The following SCLY variants were observed in gnomAD, a reference collection of about 807,000 sequenced individuals.
SCLY encodes selenocysteine lyase.
A neutral mutation model predicts 50.1 loss-of-function variants in SCLY; 38 were observed. The observed-to-expected ratio is 0.76, with a 90% confidence interval of 0.59 to 0.99. The LOEUF (loss-of-function observed/expected upper bound fraction) is 0.99. Among genes scored for constraint, SCLY ranks in the 50% least tolerant of loss-of-function variants. The pLI, the probability that SCLY is intolerant of heterozygous loss-of-function variation, is 0.00. For missense variants in SCLY, 600 were observed against 620.0 expected (o/e 0.97, Z 0.34); for synonymous variants, 243 against 249.4 (o/e 0.97, Z 0.24).
intron 8 of SCLY, chr2:238,091,515 T>A (rs2065361859): frequency 2.0e-6 from 1 of 495,834 alleles, no homozygotes; most frequent in Admixed American, 3.3e-5. Flanking sequence ...GTGATACTGT[T>A]ACAGCAGAGG....
intron 8 of SCLY, chr2:238,091,557 AAAGG>A: frequency 3.0e-6 from 1 of 332,200 alleles, no homozygotes; most frequent in South Asian, 3.7e-5. Context: ...CACCATTCCC[AAAGG>A]CGTCGGCAGC....
intron 4 of SCLY, among the ~76,000 whole-genome samples, chr2:238,075,333 CTG>C (rs1443529332): frequency 2.0e-5 from 3 of 152,104 alleles, no homozygotes; most frequent in African/African-American, 4.8e-5. Context: ...AGGTATTAGT[CTG>C]TAGTTTTCTT....
chr2:238,091,529 AGTGTC>A, intron 8 of SCLY: 2 of 415,066 alleles, frequency 4.8e-6, no homozygotes. Flanking sequence ...GCAGAGGTGA[AGTGTC>A]AAGCTGCAGG....
At position 238,069,199 on chromosome 2, in the gene SCLY, G is replaced by T; in HGVS notation, c.304-98G>T. 8.9e-7 allele frequency: 1 copy of T among 1,121,870 alleles called. No individual in the cohort carries two copies. Among genetic ancestry groups the T allele is most frequent in the Non-Finnish European group, 1.3e-6 (1 of 797,254 alleles). The allele number at this position is 1,121,870 out of a possible 1,614,324, so 69.5% of individuals were successfully genotyped here. On this transcript the variant is annotated intron_variant, in intron 3 of 11. Transcript: ENST00000254663. The surrounding 1 kb of genome is among the most constrained non-coding windows in gnomAD (Gnocchi z 5.0). ...AGTTGAATTTCTTTGAAGCTTTTTT[G>T]ATGTTAGCCACAAAAGAAATTAAGT...
chr2:238,082,016 C>T, intron 5 of SCLY, 29 bp from the exon 6 acceptor site: 1 of 1,603,282 alleles, frequency 6.2e-7, no homozygotes, highest in Non-Finnish European at 8.5e-7. Flanking sequence ...ATCGGAGCAA[C>T]ATACTCAACT....
At chr2:238,094,000 CAG>C in intron 9 of SCLY, 56 bp downstream of exon 9, 2 of 1,492,106 alleles carry the variant, frequency 1.3e-6, no homozygotes, top group South Asian at 1.2e-5. Flanking sequence ...GGCAGGTGCC[CAG>C]AGAGGAGGGG....
At chr2:238,096,732 C>A in intron 10 of SCLY, 69 bp from the exon 11 acceptor site, 1 of 1,516,742 alleles carries the variant, frequency 6.6e-7, no homozygotes, top group African/African-American at 1.4e-5. Context: ...CCCAGCAGGA[C>A]CCCGGGAAGG....
At chr2:238,091,549 C>CT in intron 8 of SCLY, 10 of 339,048 alleles carry the variant, frequency 2.9e-5, no homozygotes, top group South Asian at 1.2e-4. Context: ...TGCAGGTTCA[C>CT]CATTCCCAAA....
intron 9 of SCLY, 147 bp downstream of exon 9, chr2:238,094,091 G>T: frequency 1.3e-6 from 1 of 750,026 alleles, no homozygotes; most frequent in East Asian, 2.7e-5. Context: ...AGGGAAGAAA[G>T]AACAGTGGCA....
chr2:238,061,365 A>G (rs1274066490), intron 1 of SCLY: 1 of 692,774 alleles, frequency 1.4e-6, no homozygotes, highest in Non-Finnish European at 2.7e-6. Flanking sequence ...TTTGGGGCCG[A>G]AACCCGAGTG....
intron 10 of SCLY, among the ~76,000 whole-genome samples, chr2:238,095,342 C>T (rs751491104): frequency 2.3e-4 from 35 of 152,324 alleles, no homozygotes; most frequent in African/African-American, 8.2e-4. Flanking sequence ...CCCTGACTCC[C>T]TGAGAGTGGA....
At chr2:238,079,574 C>T (rs1325093357) in intron 4 of SCLY, 1 of 152,128 alleles carries the variant, frequency 6.6e-6, no homozygotes, top group Non-Finnish European at 1.5e-5. Flanking sequence ...TGTTATAGCC[C>T]TAACAAAATA....
intron 10 of SCLY, chr2:238,095,908 CTTT>C (rs35898194): frequency 0.011 from 1,546 of 140,106 alleles, 24 homozygotes; most frequent in African/African-American, 0.039. Flanking sequence ...ACCTGGATAA[CTTT>C]TTTTTTTTTT....
rs932626352 is a variant in SCLY, at chr2:238,098,203, C to G, written c.1186C>G (p.Pro396Ala). 6 of 1,609,640 alleles carry G rather than the reference C, an allele frequency of 3.7e-6. No individual in the cohort carries two copies. The highest frequency in any genetic ancestry group is 5.1e-6 in the Non-Finnish European group (6 of 1,178,886). The change falls in exon 12 of 12, where the codon CCG (proline) becomes GCG (alanine). Residue 396 changes from proline (P) to alanine (A), a missense_variant and splice_region_variant. Physicochemically the swap from Pro to Ala is conservative, Grantham distance 27. Transcript: ENST00000254663. ...GCAGCTCGGTCTCGCCCTCCCCAGGCCGTCCCCAGTGCTGCTGAGCTACGG... is the reference window on the plus strand; with the variant it reads ...GCAGCTCGGTCTCGCCCTCCCCAGGGCGTCCCCAGTGCTGCTGAGCTACGG... ...AACHSDHGDQPSPVLLSYGVP... is the reference protein window; with the variant it reads ...AACHSDHGDQASPVLLSYGVP...
Position 238,069,697 on chromosome 2 carries a change from G to A in SCLY, c.484+220G>A. 1 of 457,160 alleles carries A rather than the reference G, an allele frequency of 2.2e-6. No homozygotes were observed. The highest frequency in any genetic ancestry group is 5.0e-5 in the South Asian group (1 of 20,098). 28.3% of individuals were successfully genotyped at this position (457,160 alleles called of 1,614,324 possible). On this transcript the variant is annotated intron_variant, in intron 4 of 11. Transcript: ENST00000254663. This position sits in a 1 kb window ranked among gnomAD's most constrained non-coding sequence, Gnocchi z 5.0. ...CCCTGGCTGCCCCTCTCGGTGCAGA[G>A]GCCAGCTGCCACAAGGGGGTTGGCA... is the stretch of plus-strand genomic sequence containing the variant.
chr2:238,096,716 C>A lies in SCLY; in HGVS notation c.1109-85C>A, dbSNP rs2065440202. 5.4e-5 allele frequency: 77 copies of A among 1,431,902 alleles called. 1 individual carries two copies. In the South Asian group the frequency reaches 8.9e-4, roughly 17 times the overall value. 88.7% of individuals were successfully genotyped at this position (1,431,902 alleles called of 1,614,324 possible). A position where few individuals can be genotyped will look rare whatever the true frequency, so the allele number is the denominator to read the frequency against. ...AGGTGGCACAGAGGGAGGGAAGCAG[C>A]CTGCGCCCAGCAGGACCCCGGGAAG... is the stretch of plus-strand genomic sequence containing the variant. On this transcript the variant is annotated intron_variant, in intron 10 of 11. Coordinates refer to ENST00000254663, the MANE Select transcript of SCLY (RefSeq NM_016510.7).
intron 8 of SCLY, chr2:238,091,546 TCACC>T: frequency 6.6e-5 from 27 of 409,892 alleles, no homozygotes; most frequent in Admixed American, 1.5e-4. Context: ...AGCTGCAGGT[TCACC>T]ATTCCCAAAG....
chr2:238,096,648 A>C (rs994307559), intron 10 of SCLY, among the ~76,000 whole-genome samples, 153 bp from the exon 11 acceptor site: 4 of 152,208 alleles, frequency 2.6e-5, no homozygotes, highest in Non-Finnish European at 5.9e-5. Context: ...CTGCTGTGAG[A>C]TCTCTCCCCA....
rs185719252 is a variant in SCLY at position 238,097,705 on chromosome 2, C to A, written c.1185-497C>A. On this transcript the variant is annotated intron_variant, in intron 11 of 11. Coordinates refer to ENST00000254663, the MANE Select transcript of SCLY (RefSeq NM_016510.7). Reference sequence around the variant, plus strand: ...ATGAGGTCAGGCCCCTTGACAGAGCCCACATCTCGAGCCTCCAACAGCCTT... The same window carrying A: ...ATGAGGTCAGGCCCCTTGACAGAGCACACATCTCGAGCCTCCAACAGCCTT... 9.1e-4 allele frequency among the ~76,000 whole-genome samples: 139 copies of A among 152,170 alleles called. 1 individual carries two copies. The highest frequency in any genetic ancestry group is 3.3e-3 in the African/African-American group (137 of 41,502).
Sources: allele counts gnomAD v4.1 joint callset (sites outside exome capture counted in the v4.1 genomes callset), GRCh38; gene constraint gnomAD v4.1.1; non-coding constraint Gnocchi (gnomAD v3.1); transcripts MANE v1.5; gene names NCBI Gene and HGNC (gene_info 2026-07-23, HGNC 2026-07-21).